GRWD1: variants seen among roughly 807,000 people sequenced by gnomAD.
The protein encoded by GRWD1 is glutamate rich WD repeat containing 1.
In GRWD1, 29 loss-of-function variants were observed where a neutral mutation model predicts 45.3. The ratio of observed to expected loss-of-function variants is 0.64; its 90% CI spans 0.48 to 0.87. The LOEUF (loss-of-function observed/expected upper bound fraction) is 0.87, where lower values mean the gene tolerates loss of function less well. GRWD1 is among the 40% of genes least tolerant of loss of function. The pLI is 0.00. For synonymous variants in GRWD1, 262 were observed against 257.6 expected, an observed-to-expected ratio of 1.02 and a Z score of -0.16; for missense variants, 592 against 618.8, an observed-to-expected ratio of 0.96 and a Z score of 0.46.
At position 48,451,124 on chromosome 19, in the gene GRWD1, G is replaced by A. The variant is rs535666494; in HGVS notation, c.916G>A (p.Ala306Thr). 1.2e-5 allele frequency: 20 copies of A among 1,614,096 alleles called. No individual in the cohort carries two copies. Among genetic ancestry groups the A allele is most frequent in the South Asian group, 9.9e-5 (9 of 91,082 alleles). Reference sequence around the variant, plus strand: ...GGCCTGCATGCTCACCACAGCCACCGCCCATGATGGGGACGTCAATGTCAT... The same window carrying A: ...GGCCTGCATGCTCACCACAGCCACCACCCATGATGGGGACGTCAATGTCAT... ...SKACMLTTAT[A>T]HDGDVNVISW... The change falls in exon 6 of 7, where the codon GCC becomes ACC. Residue 306 changes from alanine (A) to threonine (T), a missense_variant. By Grantham distance (58) the Ala-to-Thr change is moderately conservative. Coordinates refer to ENST00000253237, the MANE Select transcript of GRWD1 (RefSeq NM_031485.4).
At position 48,446,239 on chromosome 19, in the gene GRWD1, G is replaced by A. The variant is rs576684017; in HGVS notation, c.187+47G>A. The A allele has an allele frequency of 4.3e-5, 68 of 1,575,834 alleles. 1 individual carries two copies. In the South Asian group the frequency reaches 7.2e-4, roughly 17 times the overall value. On this transcript the variant is annotated intron_variant, in intron 1 of 6. Transcript: ENST00000253237. Reference sequence around the variant, plus strand: ...AGGGTCCTGAGGTGGCTGATCCCGAGCCTTTAACCTGAGAGGTGCTCGGGA... The same window carrying A: ...AGGGTCCTGAGGTGGCTGATCCCGAACCTTTAACCTGAGAGGTGCTCGGGA...
Position 48,450,423 on chromosome 19 carries a change from G to C in GRWD1, c.579G>C (p.Leu193=), listed in dbSNP as rs375039080. ...AGGTGGTGGAGGAGCCCCAGGCCCT[G>C]GCAGCCTTCCTCCGGGATGAGCAGG... ...LLQVVEEPQA[L]AAFLRDEQAQ... Residue 193 remains leucine, a synonymous_variant, in exon 4 of 7, where the codon CTG becomes CTC. Coordinates refer to ENST00000253237, the MANE Select transcript of GRWD1 (RefSeq NM_031485.4). This position sits in a 1 kb window ranked among gnomAD's most constrained non-coding sequence, Gnocchi z 5.1. 167 of 1,613,968 alleles carry C rather than the reference G, an allele frequency of 1.0e-4. No homozygotes were observed. The highest frequency in any genetic ancestry group is 1.4e-4 in the Non-Finnish European group (163 of 1,180,034).
At chr19:48,448,407 T>G (rs746891982) in intron 3 of GRWD1, among the ~76,000 whole-genome samples, 61 of 152,314 alleles carry the variant, frequency 4.0e-4, no homozygotes, top group Admixed American at 9.2e-4. Context: ...TTCAGTACTG[T>G]TCTAGATGCA....
chr19:48,446,473 G>A lies in GRWD1; in HGVS notation c.276G>A (p.Gly92=). Residue 92 remains glycine, a synonymous_variant, in exon 2 of 7, where the codon GGG becomes GGA. Coordinates refer to ENST00000253237, the MANE Select transcript of GRWD1 (RefSeq NM_031485.4). ...CTCTTACACTTTACTTGTGTGCTGG[G>A]ACCCAGGCTGAGAGCGCCCAGAGCA... is the stretch of plus-strand genomic sequence containing the variant. ...ELPLTLYLCA[G]TQAESAQSNR... 6.2e-7 allele frequency: 1 copy of A among 1,614,152 alleles called. No individual in the cohort carries two copies. Among genetic ancestry groups the A allele is most frequent in the South Asian group, 1.1e-5 (1 of 91,078 alleles).
intron 3 of GRWD1, 72 bp downstream of exon 3, chr19:48,446,915 C>G: frequency 8.4e-7 from 1 of 1,189,258 alleles, no homozygotes; most frequent in Non-Finnish European, 1.2e-6. Context: ...GTCCATAACT[C>G]CCAACACCTC....
intron 3 of GRWD1, among the ~76,000 whole-genome samples, chr19:48,449,678 A>C (rs937625868): frequency 3.3e-5 from 5 of 152,150 alleles, no homozygotes; most frequent in Non-Finnish European, 2.9e-5. Flanking sequence ...TTTAAAAGCC[A>C]GATGTGATGG....
In GRWD1 at chr19:48,452,822, C is replaced by G; in HGVS notation, c.1138C>G (p.Gln380Glu). 6.2e-7 allele frequency: 1 copy of G among 1,613,728 alleles called. No individual in the cohort carries two copies. The highest frequency in any genetic ancestry group is 8.5e-7 in the Non-Finnish European group (1 of 1,179,756). Residue 380 changes from glutamine (Q) to glutamate (E), a missense_variant, in exon 7 of 7, where the codon CAG becomes GAG. Transcript: ENST00000253237. The surrounding 1 kb of genome is among the most constrained non-coding windows in gnomAD (Gnocchi z 5.1). ...AASGADHQIT[Q>E]WDLAVERDPE... ...CTCGGGTGCAGACCACCAGATCACA[C>G]AGTGGGACCTGGCAGTGGAGCGGGA...
In GRWD1 at chr19:48,449,163, G is replaced by A. The variant is rs530453064; in HGVS notation, c.469-1150G>A. 1.7e-4 allele frequency among the ~76,000 whole-genome samples: 26 copies of A among 152,104 alleles called. No individual in the cohort carries two copies. In the South Asian group the frequency reaches 2.5e-3, roughly 15 times the overall value. The stretch of plus-strand genomic sequence containing the variant: ...GGCCGGAGCGCAATGGTGCGATCTC[G>A]GCTCACTGCAACCTCTGACTCCTGG... On this transcript the variant is annotated intron_variant, in intron 3 of 6. Coordinates refer to ENST00000253237, the MANE Select transcript of GRWD1 (RefSeq NM_031485.4).
In GRWD1 at chr19:48,454,896, C is replaced by T. The variant is rs532442452; in HGVS notation, c.*1871C>T. On this transcript the variant is annotated 3_prime_UTR_variant, in exon 7 of 7. Coordinates refer to ENST00000253237, the MANE Select transcript of GRWD1 (RefSeq NM_031485.4). ...GTCTCTCCCATCTCTCTCTGCCTCT[C>T]TCTGTCTTCACAATTTCATCTCCCC... 1 of 152,254 alleles carries T rather than the reference C, an allele frequency of 6.6e-6. No individual in the cohort carries two copies. The highest frequency in any genetic ancestry group is 1.9e-4 in the East Asian group (1 of 5,174). The allele number at this position is 152,254 out of a possible 1,614,324, so 9.4% of individuals were successfully genotyped here. A position where few individuals can be genotyped will look rare whatever the true frequency, so the allele number is the denominator to read the frequency against.
rs1971495278 is a variant in GRWD1 at position 48,453,089 on chromosome 19, GA to G, written c.*66del. 5 of 1,440,082 alleles carry G rather than the reference GA, an allele frequency of 3.5e-6. No homozygotes were observed. The Admixed American group carries it at 9.8e-5, about 28-fold the overall frequency. The allele number at this position is 1,440,082 out of a possible 1,614,324, so 89.2% of individuals were successfully genotyped here. Reference sequence around the variant, plus strand: ...ACTGAAGTCGAATTGGGCTCCCCTGGAAGGGGTTCATTCAGGTCTGTTGACT... The same window carrying G: ...ACTGAAGTCGAATTGGGCTCCCCTGGAGGGGTTCATTCAGGTCTGTTGACT... On this transcript the variant is annotated 3_prime_UTR_variant, in exon 7 of 7. Transcript: ENST00000253237.
rs1208808956 is a variant in GRWD1 at position 48,450,623 on chromosome 19, G to T, written c.683-43G>T. ...TAGACTCCAAGGAGGGGAGCGAGCT[G>T]CGGCCAGGTGGGGCGAGGTCATTTC... On this transcript the variant is annotated intron_variant, in intron 4 of 6. Transcript: ENST00000253237. This position sits in a 1 kb window ranked among gnomAD's most constrained non-coding sequence, Gnocchi z 5.1. 1 of 1,610,270 alleles carries T rather than the reference G, an allele frequency of 6.2e-7. No homozygotes were observed. The highest frequency in any genetic ancestry group is 1.3e-5 in the African/African-American group (1 of 74,994).
At chr19:48,446,892 AC>A in intron 3 of GRWD1, 49 bp downstream of exon 3, 1 of 1,498,962 alleles carries the variant, frequency 6.7e-7, no homozygotes, top group Non-Finnish European at 9.0e-7. Flanking sequence ...AACACATCTG[AC>A]CCATCCCCTG....
intron 3 of GRWD1, among the ~76,000 whole-genome samples, chr19:48,447,902 T>C (rs1310569590): frequency 6.6e-6 from 1 of 152,136 alleles, no homozygotes; most frequent in Admixed American, 6.6e-5. Context: ...CTGGTTGTAA[T>C]ATGAGGTATG....
intron 3 of GRWD1, among the ~76,000 whole-genome samples, chr19:48,448,042 C>T (rs752959556): frequency 1.3e-5 from 2 of 152,150 alleles, no homozygotes; most frequent in Non-Finnish European, 2.9e-5. Context: ...ACCTCTGCCT[C>T]CCAGGTTCAA....
rs1253608267 is a variant in GRWD1, at chr19:48,446,511, C to T, written c.305+9C>T. 4.3e-6 allele frequency: 7 copies of T among 1,611,272 alleles called. No homozygotes were observed. The highest frequency in any genetic ancestry group is 4.0e-5 in the African/African-American group (3 of 74,836). On this transcript the variant is annotated intron_variant, in intron 2 of 6. Transcript: ENST00000253237. ...AGCGCCCAGAGCAACAGGTAAGACCCGAGGCTTTTCCAGGACCAGGAGGCT... is the reference window on the plus strand; with the variant it reads ...AGCGCCCAGAGCAACAGGTAAGACCTGAGGCTTTTCCAGGACCAGGAGGCT...
At chr19:48,448,855 G>A (rs897565264) in intron 3 of GRWD1, among the ~76,000 whole-genome samples, 14 of 152,116 alleles carry the variant, frequency 9.2e-5, no homozygotes, top group Non-Finnish European at 1.8e-4. Flanking sequence ...GAGCCTTGTC[G>A]GCCACTGTAA....
rs773915916 is a variant in GRWD1, at chr19:48,452,873, G to A, written c.1189G>A (p.Asp397Asn). The A allele has an allele frequency of 1.7e-5, 27 of 1,612,388 alleles. No homozygotes were observed. The highest frequency in any genetic ancestry group is 2.0e-5 in the Non-Finnish European group (24 of 1,179,760). The change falls in exon 7 of 7, where the codon GAC (aspartate) becomes AAC (asparagine). Residue 397 changes from aspartate (D) to asparagine (N), a missense_variant. Asp to Asn is a conservative substitution (Grantham distance 23). Coordinates refer to ENST00000253237, the MANE Select transcript of GRWD1 (RefSeq NM_031485.4). The surrounding 1 kb of genome is among the most constrained non-coding windows in gnomAD (Gnocchi z 5.1). The part of the protein sequence containing the change: ...RDPEAGDVEA[D>N]PGLADLPQQL... Reference sequence around the variant, plus strand: ...CCCTGAGGCGGGCGACGTGGAGGCCGACCCCGGACTGGCCGACCTCCCGCA... The same window carrying A: ...CCCTGAGGCGGGCGACGTGGAGGCCAACCCCGGACTGGCCGACCTCCCGCA...
In GRWD1 at chr19:48,450,845, T is replaced by C; in HGVS notation, c.825+37T>C. On this transcript the variant is annotated intron_variant, in intron 5 of 6. Transcript: ENST00000253237. This position sits in a 1 kb window ranked among gnomAD's most constrained non-coding sequence, Gnocchi z 5.1. ...TGGGGTTCTGGTCGTTTAGTTCTGATGGATTCTAGGCCAGGGACCTAGAAT... is the reference window on the plus strand; with the variant it reads ...TGGGGTTCTGGTCGTTTAGTTCTGACGGATTCTAGGCCAGGGACCTAGAAT... 6.3e-7 allele frequency: 1 copy of C among 1,593,774 alleles called. No individual in the cohort carries two copies. The highest frequency in any genetic ancestry group is 8.6e-7 in the Non-Finnish European group (1 of 1,167,168).
Position 48,455,365 on chromosome 19 carries a change from G to A in GRWD1, c.*2340G>A, listed in dbSNP as rs1293465521. On this transcript the variant is annotated 3_prime_UTR_variant, in exon 7 of 7. Transcript: ENST00000253237. ...GGGGAACACCCCTGGTTTCGGAAGAGTGAGAGTGTTGATTTGGGAGGGTGA... is the reference window on the plus strand; with the variant it reads ...GGGGAACACCCCTGGTTTCGGAAGAATGAGAGTGTTGATTTGGGAGGGTGA... 6.6e-6 allele frequency: 1 copy of A among 151,698 alleles called. No individual in the cohort carries two copies. Among genetic ancestry groups the A allele is most frequent in the Non-Finnish European group, 1.5e-5 (1 of 67,948 alleles). The allele number at this position is 151,698 out of a possible 1,614,324, so 9.4% of individuals were successfully genotyped here. A position where few individuals can be genotyped will look rare whatever the true frequency, so the allele number is the denominator to read the frequency against.
Sources: allele counts gnomAD v4.1 joint callset (sites outside exome capture counted in the v4.1 genomes callset), GRCh38; gene constraint gnomAD v4.1.1; non-coding constraint Gnocchi (gnomAD v3.1); transcripts MANE v1.5; gene names NCBI Gene and HGNC (gene_info 2026-07-23, HGNC 2026-07-21).